NALF1: variants seen among roughly 807,000 people sequenced by gnomAD.
NALF1 encodes the protein family with sequence similarity 155 member A.
In NALF1, 3 loss-of-function variants were observed where a neutral mutation model predicts 48.4. The observed-to-expected ratio is 0.06, with a 90% CI of 0.03 to 0.16. The LOEUF (loss-of-function observed/expected upper bound fraction) is 0.16. Among genes scored for constraint, NALF1 ranks in the 10% least tolerant of loss-of-function variants. The pLI is 1.00. For synonymous variants in NALF1, 262 were observed against 245.7 expected (o/e 1.07, Z -0.62); for missense variants, 526 against 571.5 (o/e 0.92, Z 0.81).
At chr13:107,438,016 CAT>C (rs1456856930) in intron 1 of NALF1, among the ~76,000 whole-genome samples, 1 of 152,166 alleles carries the variant, frequency 6.6e-6, no homozygotes, top group Non-Finnish European at 1.5e-5. Flanking sequence ...AATTATATAA[CAT>C]ATGTGATGGG....
chr13:107,845,709 T>G (rs74112678), intron 1 of NALF1, among the ~76,000 whole-genome samples: 2,859 of 152,244 alleles, frequency 0.019, 98 homozygotes, highest in African/African-American at 0.066. Flanking sequence ...GACTCCAAAA[T>G]ATTGCTAAAC....
chr13:107,270,609 GTCAAGGATAAAAA>G (rs2138862612), intron 1 of NALF1, among the ~76,000 whole-genome samples: 1 of 151,690 alleles, frequency 6.6e-6, no homozygotes, highest in African/African-American at 2.4e-5. Context: ...TGAGGTTTTA[GTCAAGGATAAAAA>G]TAAGGAAAAC....
rs184384379 is a variant in NALF1, at chr13:107,504,273, C to T, written c.916-293518G>A. Among the ~76,000 whole-genome samples, 633 of 141,878 alleles carry T rather than the reference C, an allele frequency of 4.5e-3. 6 individuals carry two copies. Among genetic ancestry groups the T allele is most frequent in the African/African-American group, 0.016 (601 of 38,242 alleles). The allele number at this position is 141,878 out of a possible 152,430, so 93.1% of individuals were successfully genotyped here. On this transcript the variant is annotated intron_variant, in intron 1 of 2. Coordinates refer to ENST00000375915, the MANE Select transcript of NALF1 (RefSeq NM_001080396.3). Reference sequence around the variant, plus strand: ...CTCAAAAAAAAAAAAAAAAAAAAATCAAACTCTGTTACCCATGGGCAGGGA... The same window carrying T: ...CTCAAAAAAAAAAAAAAAAAAAAATTAAACTCTGTTACCCATGGGCAGGGA...
At chr13:107,419,180 T>C (rs1884142920) in intron 1 of NALF1, among the ~76,000 whole-genome samples, 1 of 152,184 alleles carries the variant, frequency 6.6e-6, no homozygotes, top group Admixed American at 6.5e-5. Flanking sequence ...CTTTCTAATT[T>C]TCGTTTGGAG....
At chr13:107,250,578 C>A (rs1880678091) in intron 1 of NALF1, among the ~76,000 whole-genome samples, 1 of 152,130 alleles carries the variant, frequency 6.6e-6, no homozygotes, top group Non-Finnish European at 1.5e-5. Context: ...TCATTAACTT[C>A]TTTGCTGTAA....
intron 1 of NALF1, among the ~76,000 whole-genome samples, chr13:107,269,989 C>T (rs1881126761): frequency 7.9e-6 from 1 of 126,964 alleles, no homozygotes; most frequent in Admixed American, 1.0e-4. Context: ...CCAGGATGGT[C>T]TCGATTTCCT....
At chr13:107,773,132 G>A (rs975948224) in intron 1 of NALF1, among the ~76,000 whole-genome samples, 1 of 152,084 alleles carries the variant, frequency 6.6e-6, no homozygotes, top group Non-Finnish European at 1.5e-5. Context: ...TACTACTAAG[G>A]TAAGCAGTAT....
At chr13:107,693,917 C>A (rs1881636133) in intron 1 of NALF1, among the ~76,000 whole-genome samples, 1 of 152,118 alleles carries the variant, frequency 6.6e-6, no homozygotes, top group African/African-American at 2.4e-5. Context: ...AAAATTATCA[C>A]CTTCATTTTG....
At chr13:107,488,590 C>T (rs1366045585) in intron 1 of NALF1, among the ~76,000 whole-genome samples, 1 of 152,040 alleles carries the variant, frequency 6.6e-6, no homozygotes, top group Non-Finnish European at 1.5e-5. Flanking sequence ...ATGTTAAAAA[C>T]TCTTGATAAA....
chr13:107,669,891 G>A (rs998360220), intron 1 of NALF1, among the ~76,000 whole-genome samples: 2 of 151,982 alleles, frequency 1.3e-5, no homozygotes, highest in African/African-American at 4.8e-5. Flanking sequence ...TCTGGGTCAC[G>A]GAATTATATG....
chr13:107,384,856 C>A (rs965023007), intron 1 of NALF1, among the ~76,000 whole-genome samples: 1 of 152,158 alleles, frequency 6.6e-6, no homozygotes, highest in African/African-American at 2.4e-5. Flanking sequence ...CAGGATGCAA[C>A]AGGGAGTGTG....
intron 1 of NALF1, among the ~76,000 whole-genome samples, chr13:107,801,569 T>C (rs1029958217): frequency 6.6e-5 from 10 of 152,048 alleles, no homozygotes; most frequent in African/African-American, 2.2e-4. Context: ...CAATGGAAAA[T>C]ATAAATCAGT....
At chr13:107,202,835 T>C (rs1029318435) in intron 2 of NALF1, among the ~76,000 whole-genome samples, 1 of 152,180 alleles carries the variant, frequency 6.6e-6, no homozygotes, top group Non-Finnish European at 1.5e-5. Flanking sequence ...TACACATGAA[T>C]TTCAGGATGG....
chr13:107,343,604 T>G (rs1464326976), intron 1 of NALF1, among the ~76,000 whole-genome samples: 1 of 152,182 alleles, frequency 6.6e-6, no homozygotes, highest in Non-Finnish European at 1.5e-5. Context: ...CTCTATCTTT[T>G]GTAAATTGCC....
At chr13:107,300,916 A>T (rs1881824268) in intron 1 of NALF1, among the ~76,000 whole-genome samples, 1 of 152,192 alleles carries the variant, frequency 6.6e-6, no homozygotes, top group South Asian at 2.1e-4. Flanking sequence ...ATCAAAATTC[A>T]GGTGTTGTTA....
At chr13:107,583,334 T>C (rs1056054987) in intron 1 of NALF1, among the ~76,000 whole-genome samples, 1 of 152,206 alleles carries the variant, frequency 6.6e-6, no homozygotes, top group Non-Finnish European at 1.5e-5. Context: ...AATAATGTTA[T>C]CAACATTTTT....
At chr13:107,633,771 T>TTATATATGGATATATATATATTCTA (rs1555313886) in intron 1 of NALF1, among the ~76,000 whole-genome samples, 135 of 147,504 alleles carry the variant, frequency 9.2e-4, no homozygotes, top group African/African-American at 3.1e-3. Context: ...ATATATATAT[T>TTATATATGGATATATATATATTCTA]TATATATGGA....
intron 1 of NALF1, among the ~76,000 whole-genome samples, chr13:107,658,938 C>A (rs562988080): frequency 6.6e-6 from 1 of 152,162 alleles, no homozygotes; most frequent in East Asian, 1.9e-4. Context: ...TGAAATGTGA[C>A]CGCTTCTCCA....
At chr13:107,363,263 G>A (rs999235420) in intron 1 of NALF1, among the ~76,000 whole-genome samples, 1 of 152,150 alleles carries the variant, frequency 6.6e-6, no homozygotes, top group Non-Finnish European at 1.5e-5. Context: ...TTCTTGATGA[G>A]GTTGGTAAAC....
Sources: allele counts gnomAD v4.1 joint callset (sites outside exome capture counted in the v4.1 genomes callset), GRCh38; gene constraint gnomAD v4.1.1; transcripts MANE v1.5; gene names NCBI Gene and HGNC (gene_info 2026-07-23, HGNC 2026-07-21).